The following SNX9 variants were observed in gnomAD, a reference collection of about 807,000 sequenced individuals.
SNX9 encodes sorting nexin-9.
In SNX9, 44 loss-of-function variants were observed where a neutral mutation model predicts 89.4. The ratio of observed to expected loss-of-function variants is 0.49; its 90% CI spans 0.39 to 0.63. The LOEUF (loss-of-function observed/expected upper bound fraction) is 0.63, where lower values mean the gene tolerates loss of function less well. Among genes scored for constraint, SNX9 ranks in the 30% least tolerant of loss-of-function variants. The pLI is 0.00. For missense variants in SNX9, 578 were observed against 736.1 expected (o/e 0.79, Z 2.49); for synonymous variants, 236 against 247.8 (o/e 0.95, Z 0.45).
At chr6:157,873,372 T>G (rs1301866571) in intron 3 of SNX9, among the ~76,000 whole-genome samples, 196 bp downstream of exon 3, 1 of 150,684 alleles carries the variant, frequency 6.6e-6, no homozygotes, top group Non-Finnish European at 1.5e-5. Flanking sequence ...GACCCAAGCT[T>G]CAAAGAATGA....
Position 157,823,431 on chromosome 6 carries a change from C to T in SNX9, c.-4C>T, listed in dbSNP as rs989463630. On this transcript the variant is annotated 5_prime_UTR_variant, in exon 1 of 18. Coordinates refer to ENST00000392185, the MANE Select transcript of SNX9 (RefSeq NM_016224.5). This position sits in a 1 kb window ranked among gnomAD's most constrained non-coding sequence, Gnocchi z 4.6. ...GCCGTCCCGGGCCGGGGGACCCGCC[C>T]GCCATGGCCACCAAGGTGAGGGGCG... is the stretch of plus-strand genomic sequence containing the variant. 6.4e-6 allele frequency: 8 copies of T among 1,246,116 alleles called. No individual in the cohort carries two copies. The African/African-American group carries it at 1.3e-4, about 20-fold the overall frequency. 77.2% of individuals were successfully genotyped at this position (1,246,116 alleles called of 1,614,324 possible).
At chr6:157,828,640 T>C (rs2115103111) in intron 1 of SNX9, among the ~76,000 whole-genome samples, 1 of 152,216 alleles carries the variant, frequency 6.6e-6, no homozygotes, top group African/African-American at 2.4e-5. Flanking sequence ...ACTACAGGTG[T>C]GCACCACCAT....
At chr6:157,894,081 T>C (rs913920405) in intron 4 of SNX9, among the ~76,000 whole-genome samples, 6 of 151,386 alleles carry the variant, frequency 4.0e-5, no homozygotes, top group Admixed American at 1.3e-4. Context: ...CCTGTATCAT[T>C]TCTTTTTCTT....
chr6:157,865,327 G>A (rs755263221), intron 1 of SNX9, among the ~76,000 whole-genome samples: 6 of 126,434 alleles, frequency 4.7e-5, no homozygotes, highest in Admixed American at 1.8e-4. Flanking sequence ...CAACAAGAGC[G>A]AAACAGTCTC....
chr6:157,828,199 G>GTC (rs1781417366), intron 1 of SNX9, among the ~76,000 whole-genome samples: 1 of 137,994 alleles, frequency 7.2e-6, no homozygotes, highest in Non-Finnish European at 1.5e-5. Flanking sequence ...TTTTCTATGT[G>GTC]TCTTAAGTAG....
At chr6:157,932,544 C>T (rs920617647) in intron 13 of SNX9, among the ~76,000 whole-genome samples, 2 of 152,076 alleles carry the variant, frequency 1.3e-5, no homozygotes, top group Non-Finnish European at 2.9e-5. Context: ...CCATCAGTTT[C>T]ATTTCTCTGC....
intron 1 of SNX9, among the ~76,000 whole-genome samples, chr6:157,846,112 G>T (rs572706018): frequency 6.6e-6 from 1 of 152,180 alleles, no homozygotes; most frequent in Non-Finnish European, 1.5e-5. Context: ...CTCTGCCTTC[G>T]CATCTGATGC....
intron 12 of SNX9, among the ~76,000 whole-genome samples, chr6:157,931,391 A>T (rs1008636738): frequency 2.6e-5 from 4 of 152,218 alleles, no homozygotes; most frequent in Admixed American, 6.5e-5. Flanking sequence ...TTTCTCCTTT[A>T]ATACTGCAGT....
intron 9 of SNX9, among the ~76,000 whole-genome samples, chr6:157,915,657 A>ATATATATATATATG (rs1783451231): frequency 7.8e-6 from 1 of 128,656 alleles, no homozygotes; most frequent in African/African-American, 3.0e-5. Flanking sequence ...ATATATATAT[A>ATATATATATATATG]CACACACACA....
rs370828877 is a variant in SNX9 at position 157,875,152 on chromosome 6, G to A, written c.276G>A (p.Ser92=). The change falls in exon 4 of 18, where the codon TCG becomes TCA. Residue 92 remains serine (S), a synonymous_variant. Transcript: ENST00000392185. The part of the protein sequence containing the change: ...SLSASTAQAS[S]SAASNNHQVG... ...CAGCCAGCACAGCTCAGGCCAGTTC[G>A]TCGGCTGCCAGCAACAATCACCAGG... 29 of 1,608,366 alleles carry A rather than the reference G, an allele frequency of 1.8e-5. No homozygotes were observed. In the African/African-American group the frequency reaches 2.5e-4, roughly 14 times the overall value.
intron 1 of SNX9, among the ~76,000 whole-genome samples, chr6:157,864,515 C>CTA (rs1782212812): frequency 1.3e-5 from 2 of 152,212 alleles, no homozygotes; most frequent in Admixed American, 6.5e-5. Flanking sequence ...CTTAGGTATT[C>CTA]TATATTTGGA....
At chr6:157,889,430 C>CAAAAAAAAAAAAA in intron 4 of SNX9, among the ~76,000 whole-genome samples, 1 of 58,504 alleles carries the variant, frequency 1.7e-5, no homozygotes, top group Non-Finnish European at 4.0e-5. Flanking sequence ...GACCCTGTCT[C>CAAAAAAAAAAAAA]AAAAAAAAAA....
intron 1 of SNX9, among the ~76,000 whole-genome samples, chr6:157,856,735 C>T (rs1322449130): frequency 2.6e-5 from 4 of 152,104 alleles, no homozygotes; most frequent in African/African-American, 9.7e-5. Flanking sequence ...TGATTTCTTA[C>T]CTTACCCTCA....
At chr6:157,874,994 GA>G in intron 3 of SNX9, 56 bp from the exon 4 acceptor site, 1 of 1,555,290 alleles carries the variant, frequency 6.4e-7, no homozygotes, top group South Asian at 1.2e-5. Flanking sequence ...TGCCCTCGAA[GA>G]CTCCCTGAAG....
At chr6:157,839,824 T>C (rs1031297495) in intron 1 of SNX9, among the ~76,000 whole-genome samples, 2 of 152,202 alleles carry the variant, frequency 1.3e-5, no homozygotes, top group African/African-American at 4.8e-5. Flanking sequence ...TCTCCACCAC[T>C]TCCTTGCTGT....
chr6:157,898,644 ATGGGAAATAATT>A (rs1415064359), intron 5 of SNX9, among the ~76,000 whole-genome samples: 1 of 152,220 alleles, frequency 6.6e-6, no homozygotes. Context: ...AATGTGTGGA[ATGGGAAATAATT>A]TGGGAATTAA....
intron 4 of SNX9, 117 bp from the exon 5 acceptor site, chr6:157,896,710 T>C (rs954617736): frequency 9.5e-6 from 11 of 1,156,626 alleles, no homozygotes; most frequent in African/African-American, 4.7e-5. Context: ...TTTGAATACA[T>C]TTCTATTAAT....
intron 4 of SNX9, among the ~76,000 whole-genome samples, chr6:157,878,566 G>A (rs1398865843): frequency 1.3e-5 from 2 of 151,838 alleles, no homozygotes; most frequent in African/African-American, 2.4e-5. Context: ...CTGAGTAGCT[G>A]GGACTACAGG....
rs144262025 is a variant in SNX9 at position 157,942,833 on chromosome 6, A to T, written c.1783A>T (p.Met595Leu). The change falls in exon 18 of 18, where the codon ATG (methionine) becomes TTG (leucine). Residue 595 changes from methionine to leucine, a missense_variant. Around this residue, in one of 2 missense-constraint regions of SNX9, gnomAD observed 348 missense variants for 491.4 expected, o/e 0.71. Transcript: ENST00000392185. ...GCAGGCCCTCAGCCGCTTTCCAGTG[A>T]TGTAGGACAGAACGGGCCTTGAAGA... ...LRQALSRFPV[M>L] is the part of the protein sequence containing the mutation. 98 of 1,613,840 alleles carry T rather than the reference A, an allele frequency of 6.1e-5. No homozygotes were observed. In the African/African-American group the frequency reaches 1.2e-3, roughly 20 times the overall value.
Sources: gnomAD v4.1 joint callset for allele counts (sites outside exome capture counted in the v4.1 genomes callset) on GRCh38, gnomAD v4.1.1 for gene constraint, gnomAD v4.1.1 regional missense constraint, Gnocchi (gnomAD v3.1) non-coding constraint, MANE v1.5 for transcripts, NCBI Gene and HGNC (gene_info 2026-07-23, HGNC 2026-07-21) for gene names.